TATDN1: variants seen among roughly 807,000 people sequenced by gnomAD.
The protein encoded by TATDN1 is TatD DNase domain containing 1.
In TATDN1, 40 loss-of-function variants were observed where a neutral mutation model predicts 46.4. The observed-to-expected ratio is 0.86, with a 90% CI of 0.67 to 1.12. The LOEUF is 1.12. TATDN1 is among the 50% of genes most tolerant of loss of function. The pLI is 0.00. For missense variants in TATDN1, 326 were observed against 348.4 expected (o/e 0.94, Z 0.51); for synonymous variants, 95 against 105.6 (o/e 0.90, Z 0.62).
At chr8:124,488,902 T>C (rs992351241) in intron 11 of TATDN1, 15 of 495,412 alleles carry the variant, frequency 3.0e-5, no homozygotes, top group African/African-American at 2.0e-4. Context: ...TGCATATAAC[T>C]AGAGCTAAGA....
chr8:124,489,796 A>G (rs1816799453), intron 11 of TATDN1: 2 of 152,364 alleles, frequency 1.3e-5, no homozygotes, highest in Admixed American at 1.3e-4. Context: ...GATTTTTAAT[A>G]CATGAATTAG....
chr8:124,509,540 G>C (rs1818824172), intron 6 of TATDN1, among the ~76,000 whole-genome samples: 1 of 152,146 alleles, frequency 6.6e-6, no homozygotes, highest in South Asian at 2.1e-4. Flanking sequence ...AACTGAATCA[G>C]GATAACAGGT....
chr8:124,526,250 G>A (rs1250403147), intron 1 of TATDN1, among the ~76,000 whole-genome samples: 1 of 152,228 alleles, frequency 6.6e-6, no homozygotes, highest in Non-Finnish European at 1.5e-5. Context: ...CAACTTGGAA[G>A]TGTGTCCTGG....
chr8:124,532,412 T>G (rs1161048473), intron 1 of TATDN1, among the ~76,000 whole-genome samples: 1 of 152,160 alleles, frequency 6.6e-6, no homozygotes, highest in Non-Finnish European at 1.5e-5. Context: ...GCCTCCCACA[T>G]AGCTGGGATT....
Position 124,518,295 on chromosome 8 carries a change from C to T in TATDN1, c.202+523G>A, listed in dbSNP as rs183234011. Among the ~76,000 whole-genome samples, 575 of 135,920 alleles carry T rather than the reference C, an allele frequency of 4.2e-3. 5 individuals carry two copies. The highest frequency in any genetic ancestry group is 0.015 in the African/African-American group (531 of 35,970). 89.2% of individuals were successfully genotyped at this position (135,920 alleles called of 152,430 possible). A position where few individuals can be genotyped will look rare whatever the true frequency, so the allele number is the denominator to read the frequency against. On this transcript the variant is annotated intron_variant, in intron 4 of 11. Coordinates refer to ENST00000276692, the MANE Select transcript of TATDN1 (RefSeq NM_032026.4). The stretch of plus-strand genomic sequence containing the variant: ...ATCCCAGCACTTTGGGAGGCTGAGG[C>T]GGGTGGATCACGAGGTCAGGAGATC...
intron 6 of TATDN1, among the ~76,000 whole-genome samples, chr8:124,511,759 G>C (rs1056410752): frequency 6.6e-6 from 1 of 151,940 alleles, no homozygotes; most frequent in Non-Finnish European, 1.5e-5. Context: ...ACAATAGCTA[G>C]CATCTTCCTT....
At chr8:124,502,239 G>A (rs1391310325) in intron 9 of TATDN1, among the ~76,000 whole-genome samples, 1 of 151,834 alleles carries the variant, frequency 6.6e-6, no homozygotes, top group Admixed American at 6.6e-5. Context: ...TACTCGGGAA[G>A]CTGAGGCAGG....
chr8:124,522,732 T>C (rs759727793), intron 2 of TATDN1, among the ~76,000 whole-genome samples: 17 of 152,152 alleles, frequency 1.1e-4, no homozygotes, highest in South Asian at 2.1e-4. Flanking sequence ...AGTTCTTTAT[T>C]ATTTCAATTT....
intron 3 of TATDN1, among the ~76,000 whole-genome samples, chr8:124,519,684 T>C (rs1246489932): frequency 6.6e-6 from 1 of 152,156 alleles, no homozygotes; most frequent in Non-Finnish European, 1.5e-5. Flanking sequence ...TGAAGTGGTT[T>C]TGAGAGCAAA....
intron 9 of TATDN1, among the ~76,000 whole-genome samples, chr8:124,498,608 C>T (rs1010863296): frequency 6.6e-6 from 1 of 152,046 alleles, no homozygotes; most frequent in Non-Finnish European, 1.5e-5. Flanking sequence ...TTCTGAGGCC[C>T]CTTAGTGGTA....
intron 1 of TATDN1, among the ~76,000 whole-genome samples, chr8:124,535,764 C>T (rs772408930): frequency 2.6e-5 from 4 of 152,184 alleles, no homozygotes; most frequent in African/African-American, 4.8e-5. Context: ...GTATTTGGCT[C>T]ATGGTTCTGC....
intron 1 of TATDN1, among the ~76,000 whole-genome samples, chr8:124,532,629 CTT>C (rs1027044666): frequency 5.9e-5 from 9 of 152,196 alleles, no homozygotes; most frequent in African/African-American, 1.7e-4. Flanking sequence ...AAAAAATCCT[CTT>C]TGTTTCTAGA....
intron 8 of TATDN1, among the ~76,000 whole-genome samples, chr8:124,505,142 T>C (rs578169994): frequency 8.9e-4 from 134 of 150,678 alleles, no homozygotes; most frequent in African/African-American, 3.0e-3. Flanking sequence ...CCCAGCACTT[T>C]GGGAGGCTGA....
At chr8:124,533,334 C>T (rs940073526) in intron 1 of TATDN1, among the ~76,000 whole-genome samples, 37 of 151,840 alleles carry the variant, frequency 2.4e-4, no homozygotes, top group African/African-American at 9.0e-4. Context: ...AAAAGTATCT[C>T]ATAGGAGGTC....
intron 9 of TATDN1, among the ~76,000 whole-genome samples, chr8:124,497,719 G>A (rs1817604149): frequency 6.6e-6 from 1 of 152,120 alleles, no homozygotes; most frequent in Non-Finnish European, 1.5e-5. Flanking sequence ...TATATCTGGT[G>A]GTATTTTTGT....
At chr8:124,490,228 A>G (rs990741536) in intron 11 of TATDN1, 1 of 152,222 alleles carries the variant, frequency 6.6e-6, no homozygotes, top group East Asian at 1.9e-4. Flanking sequence ...TAAGAAATCT[A>G]TTGGGCTGGG....
At chr8:124,489,790 T>C (rs949333908) in intron 11 of TATDN1, 3 of 152,198 alleles carry the variant, frequency 2.0e-5, no homozygotes, top group Non-Finnish European at 4.4e-5. Flanking sequence ...GTGGAAGATT[T>C]TTAATACATG....
rs1334817980 is a variant in TATDN1 at position 124,495,140 on chromosome 8, TCTGAACAGATTTTG to T, written c.664+318_664+331del. The stretch of plus-strand genomic sequence containing the variant: ...TATAAAGACACTGTGTAAACAAAAT[TCTGAACAGATTTTG>T]AAACTTGGAAGTGTGATGTGCTTAG... On this transcript the variant is annotated intron_variant, in intron 10 of 11. Coordinates refer to ENST00000276692, the MANE Select transcript of TATDN1 (RefSeq NM_032026.4). The T allele has an allele frequency of 4.5e-5, 14 of 314,434 alleles. No homozygotes were observed. In the East Asian group the frequency reaches 1.2e-3, roughly 28 times the overall value. The allele number at this position is 314,434 out of a possible 1,614,324, so 19.5% of individuals were successfully genotyped here.
At chr8:124,518,402 T>C (rs1202418131) in intron 4 of TATDN1, among the ~76,000 whole-genome samples, 1 of 150,602 alleles carries the variant, frequency 6.6e-6, no homozygotes, top group Non-Finnish European at 1.5e-5. Flanking sequence ...CGGGCGCCTG[T>C]AGTCCCAGCT....
Sources: gnomAD v4.1 joint callset for allele counts (sites outside exome capture counted in the v4.1 genomes callset) on GRCh38, gnomAD v4.1.1 for gene constraint, MANE v1.5 for transcripts, NCBI Gene and HGNC (gene_info 2026-07-23, HGNC 2026-07-21) for gene names.